Variants in INHBC observed in about 807,000 individuals in gnomAD.
INHBC encodes the protein inhibin beta C chain.
INHBC carries 10 observed loss-of-function variants against 12.4 expected under a neutral mutation model. The observed-to-expected ratio is 0.81, with a 90% CI of 0.50 to 1.37. The LOEUF (loss-of-function observed/expected upper bound fraction) is 1.37. Among genes scored for constraint, INHBC ranks in the 40% most tolerant of loss-of-function variants. INHBC has a pLI of 0.00. For synonymous variants in INHBC, 147 were observed against 171.6 expected, an observed-to-expected ratio of 0.86 and a Z score of 1.12; for missense variants, 382 against 439.4, an observed-to-expected ratio of 0.87 and a Z score of 1.17.
In INHBC at chr12:57,451,107, C is replaced by T. The variant is rs1870703435; in HGVS notation, c.*1085C>T. Reference sequence around the variant, plus strand: ...TCTCCTCAGAACTGAACTATTGTATCCATCTCACACTTTATGCCTCTTCTT... The same window carrying T: ...TCTCCTCAGAACTGAACTATTGTATTCATCTCACACTTTATGCCTCTTCTT... On this transcript the variant is annotated 3_prime_UTR_variant, in exon 2 of 2. Transcript: ENST00000309668. Among the ~76,000 whole-genome samples, 1 of 152,212 alleles carries T rather than the reference C, an allele frequency of 6.6e-6. No individual in the cohort carries two copies. Among genetic ancestry groups the T allele is most frequent in the Non-Finnish European group, 1.5e-5 (1 of 68,044 alleles).
In INHBC at chr12:57,449,986, A is replaced by T. The variant is rs201130489; in HGVS notation, c.1023A>T (p.Ile341=). The T allele has an allele frequency of 6.5e-7, 1 of 1,536,994 alleles. No homozygotes were observed. The change falls in exon 2 of 2, where the codon ATA becomes ATT. Residue 341 remains isoleucine (I), a synonymous_variant. Transcript: ENST00000309668. ...ACAGCAACATTGTCAAGACTGACAT[A>T]CCTGACATGGTAGTAGAGGCCTGTG... ...DRDSNIVKTD[I]PDMVVEACGC...
In INHBC at chr12:57,450,145, C is replaced by A; in HGVS notation, c.*123C>A. On this transcript the variant is annotated 3_prime_UTR_variant, in exon 2 of 2. Transcript: ENST00000309668. ...AGAATGTGGACTCCCTCTTCCTGAG[C>A]ATCTTATGGAAATTACCCCACCTTT... 1 of 1,092,620 alleles carries A rather than the reference C, an allele frequency of 9.2e-7. No homozygotes were observed. The highest frequency in any genetic ancestry group is 1.2e-6 in the Non-Finnish European group (1 of 808,506). The allele number at this position is 1,092,620 out of a possible 1,614,324, so 67.7% of individuals were successfully genotyped here. A position where few individuals can be genotyped will look rare whatever the true frequency, so the allele number is the denominator to read the frequency against.
intron 1 of INHBC, among the ~76,000 whole-genome samples, chr12:57,439,185 C>A (rs1870407323): frequency 6.6e-6 from 1 of 152,196 alleles, no homozygotes; most frequent in East Asian, 1.9e-4. Context: ...ACCTCCCACG[C>A]ACTTAACATA....
chr12:57,439,783 G>A (rs549409272), intron 1 of INHBC, among the ~76,000 whole-genome samples: 4 of 152,242 alleles, frequency 2.6e-5, no homozygotes, highest in South Asian at 2.1e-4. Flanking sequence ...ACAGAACATC[G>A]TCTTAAATTT....
chr12:57,438,469 GA>G lies in INHBC; in HGVS notation c.313+3272del, dbSNP rs572640106. 2.1e-4 allele frequency among the ~76,000 whole-genome samples: 32 copies of G among 152,260 alleles called. No individual in the cohort carries two copies. The South Asian group carries it at 6.6e-3, about 32-fold the overall frequency. ...TGATTTCAACATATGAATTTTGAGG[GA>G]ATGTAACAGCCTCTCTCCATGAAGC... On this transcript the variant is annotated intron_variant, in intron 1 of 1. Coordinates refer to ENST00000309668, the MANE Select transcript of INHBC (RefSeq NM_005538.4).
chr12:57,452,055 CA>C lies in INHBC; in HGVS notation c.*2034del, dbSNP rs1436053059. ...GCCTACTTTTAAATAAAAACAGGAT[CA>C]GCATTATTCCCTTTCTTTTTTGGCT... On this transcript the variant is annotated 3_prime_UTR_variant, in exon 2 of 2. Coordinates refer to ENST00000309668, the MANE Select transcript of INHBC (RefSeq NM_005538.4). Among the ~76,000 whole-genome samples, 7 of 152,192 alleles carry C rather than the reference CA, an allele frequency of 4.6e-5. No homozygotes were observed. Among genetic ancestry groups the C allele is most frequent in the African/African-American group, 1.7e-4 (7 of 41,438 alleles).
intron 1 of INHBC, among the ~76,000 whole-genome samples, chr12:57,442,628 A>G (rs1000089016): frequency 6.6e-6 from 1 of 152,152 alleles, no homozygotes; most frequent in East Asian, 1.9e-4. Context: ...CAGAGAGAGA[A>G]GAGTGGAACT....
At chr12:57,446,704 G>C (rs1254156299) in intron 1 of INHBC, among the ~76,000 whole-genome samples, 1 of 151,882 alleles carries the variant, frequency 6.6e-6, no homozygotes, top group African/African-American at 2.4e-5. Context: ...AAGTTGTCCA[G>C]GCTGATCTCA....
chr12:57,443,091 TC>T (rs1870502157), intron 1 of INHBC, among the ~76,000 whole-genome samples: 3 of 149,182 alleles, frequency 2.0e-5, no homozygotes, highest in South Asian at 4.2e-4. Flanking sequence ...GAGTATCAGT[TC>T]CATTCCCATA....
In INHBC at chr12:57,450,732, C is replaced by G. The variant is rs1253113099; in HGVS notation, c.*710C>G. On this transcript the variant is annotated 3_prime_UTR_variant, in exon 2 of 2. Transcript: ENST00000309668. ...TTTCTTATCCCTGTTCCCTCTCTGT[C>G]TAGGTGTCATGGTTCTGTGTAACTG... 3 of 152,442 alleles carry G rather than the reference C, an allele frequency of 2.0e-5. No homozygotes were observed. The East Asian group carries it at 5.8e-4, about 29-fold the overall frequency. 9.4% of individuals were successfully genotyped at this position (152,442 alleles called of 1,614,324 possible).
intron 1 of INHBC, among the ~76,000 whole-genome samples, chr12:57,438,717 T>G (rs1447047837): frequency 6.6e-6 from 1 of 152,198 alleles, no homozygotes; most frequent in Non-Finnish European, 1.5e-5. Flanking sequence ...TACTGGGGAC[T>G]ACCAATCTAG....
intron 1 of INHBC, among the ~76,000 whole-genome samples, chr12:57,439,873 T>A (rs994855727): frequency 6.6e-6 from 1 of 152,240 alleles, no homozygotes; most frequent in African/African-American, 2.4e-5. Flanking sequence ...CTTGCTATGT[T>A]GCCCAGGCTG....
intron 1 of INHBC, 36 bp downstream of exon 1, chr12:57,435,235 G>T: frequency 6.4e-7 from 1 of 1,564,410 alleles, no homozygotes; most frequent in East Asian, 2.3e-5. Flanking sequence ...CCCAGAACTT[G>T]ACCCCTCAAG....
chr12:57,447,917 ATATAT>A (rs1566551451), intron 1 of INHBC, among the ~76,000 whole-genome samples: 3 of 113,714 alleles, frequency 2.6e-5, no homozygotes, highest in African/African-American at 3.1e-5. Context: ...ATATATATAT[ATATAT>A]AAAATATATG....
intron 1 of INHBC, among the ~76,000 whole-genome samples, chr12:57,436,534 G>A (rs1275496026): frequency 6.8e-6 from 1 of 146,768 alleles, no homozygotes; most frequent in Non-Finnish European, 1.5e-5. Context: ...GAATGCAGTG[G>A]TATGATCACA....
chr12:57,449,146 T>A (rs1195403652), intron 1 of INHBC, 131 bp from the exon 2 acceptor site: 1 of 1,197,670 alleles, frequency 8.3e-7, no homozygotes, highest in Non-Finnish European at 1.2e-6. Flanking sequence ...GCACATGAAC[T>A]TTGGAGGACA....
intron 1 of INHBC, among the ~76,000 whole-genome samples, chr12:57,441,010 C>T (rs1870451355): frequency 6.6e-6 from 1 of 152,022 alleles, no homozygotes; most frequent in Non-Finnish European, 1.5e-5. Context: ...GAGTTTGAGA[C>T]CACCCTGGTC....
Position 57,451,758 on chromosome 12 carries a change from C to A in INHBC, c.*1736C>A. 2.3e-6 allele frequency: 1 copy of A among 436,154 alleles called. No individual in the cohort carries two copies. Among genetic ancestry groups the A allele is most frequent in the Non-Finnish European group, 4.6e-6 (1 of 217,086 alleles). 27.0% of individuals were successfully genotyped at this position (436,154 alleles called of 1,614,324 possible). ...TTCCTGAGCAACCCATGGAAGTTAT[C>A]CCACCTTTGACTTGAGGAGACCTTC... On this transcript the variant is annotated 3_prime_UTR_variant, in exon 2 of 2. Transcript: ENST00000309668.
intron 1 of INHBC, among the ~76,000 whole-genome samples, chr12:57,437,910 C>T (rs1368332320): frequency 4.0e-5 from 6 of 151,834 alleles, no homozygotes; most frequent in Non-Finnish European, 5.9e-5. Context: ...CTCAGCCTCC[C>T]GAGTATCTGG....
Sources: gnomAD v4.1 joint callset for allele counts (sites outside exome capture counted in the v4.1 genomes callset) on GRCh38, gnomAD v4.1.1 for gene constraint, MANE v1.5 for transcripts, NCBI Gene and HGNC (gene_info 2026-07-23, HGNC 2026-07-21) for gene names.